The following PRKN variants were observed in gnomAD, a reference collection of about 807,000 sequenced individuals.
The protein encoded by PRKN is parkin RBR E3 ubiquitin protein ligase.
In PRKN, 56 loss-of-function variants were observed where a neutral mutation model predicts 59.5. The observed-to-expected ratio is 0.94, with a 90% CI of 0.76 to 1.18. PRKN has a LOEUF of 1.18. PRKN is among the 50% of genes most tolerant of loss of function. PRKN has a pLI of 0.00. For synonymous variants in PRKN, 250 were observed against 222.1 expected (o/e 1.13, Z -1.12); for missense variants, 657 against 596.4 (o/e 1.10, Z -1.06).
chr6:162,232,779 T>C (rs1028814523), intron 3 of PRKN, among the ~76,000 whole-genome samples: 5 of 152,176 alleles, frequency 3.3e-5, no homozygotes, highest in South Asian at 2.1e-4. Context: ...AGACCTCCTA[T>C]GCATTTATAT....
chr6:162,622,185 T>C (rs1179139683), intron 1 of PRKN, among the ~76,000 whole-genome samples: 2 of 152,224 alleles, frequency 1.3e-5, no homozygotes, highest in South Asian at 2.1e-4. Context: ...TTTGGTTTAA[T>C]ACATTTTTAC....
chr6:162,107,362 G>C (rs1780231473), intron 4 of PRKN, among the ~76,000 whole-genome samples: 1 of 152,184 alleles, frequency 6.6e-6, no homozygotes, highest in Non-Finnish European at 1.5e-5. Flanking sequence ...CTACTCAGGA[G>C]GCTGAGGCAG....
intron 2 of PRKN, among the ~76,000 whole-genome samples, chr6:162,345,137 T>C (rs753774909): frequency 2.0e-5 from 3 of 152,204 alleles, no homozygotes; most frequent in Non-Finnish European, 4.4e-5. Flanking sequence ...AGACCACGCC[T>C]GGAATAACTC....
At chr6:162,536,690 G>A (rs1468289270) in intron 1 of PRKN, among the ~76,000 whole-genome samples, 1 of 152,084 alleles carries the variant, frequency 6.6e-6, no homozygotes, top group African/African-American at 2.4e-5. Flanking sequence ...TCTGCTACCT[G>A]AGCAGAAAAG....
chr6:162,284,545 C>T (rs1781093747), intron 2 of PRKN, among the ~76,000 whole-genome samples: 1 of 152,168 alleles, frequency 6.6e-6, no homozygotes, highest in Non-Finnish European at 1.5e-5. Flanking sequence ...TTTCATCTCA[C>T]ATCTTGACCT....
At position 162,360,651 on chromosome 6, in the gene PRKN, T is replaced by A. The variant is rs957982008; in HGVS notation, c.171+82659A>T. Among the ~76,000 whole-genome samples the A allele has an allele frequency of 8.2e-4, 125 of 151,994 alleles. 1 individual carries two copies. Among genetic ancestry groups the A allele is most frequent in the African/African-American group, 2.9e-3 (121 of 41,468 alleles). On this transcript the variant is annotated intron_variant, in intron 2 of 11. Transcript: ENST00000366898. Reference sequence around the variant, plus strand: ...AACACAAAATCATGTAAACCAGAAATCTTTCACAGAGGTCAAGAAGTCAAA... The same window carrying A: ...AACACAAAATCATGTAAACCAGAAAACTTTCACAGAGGTCAAGAAGTCAAA...
chr6:162,589,497 A>G, intron 1 of PRKN, among the ~76,000 whole-genome samples: 1 of 152,174 alleles, frequency 6.6e-6, no homozygotes, highest in East Asian at 1.9e-4. Flanking sequence ...TGTACTCATA[A>G]GTACACTTTT....
At chr6:161,928,000 A>G (rs1779029567) in intron 6 of PRKN, among the ~76,000 whole-genome samples, 1 of 152,176 alleles carries the variant, frequency 6.6e-6, no homozygotes, top group Non-Finnish European at 1.5e-5. Flanking sequence ...TAGGAAATAC[A>G]CCTACTATGA....
chr6:161,588,063 T>C lies in PRKN; in HGVS notation c.872-18647A>G, dbSNP rs1327297180. ...ATAAGCATTAATAAGACCATGTCAATAGAGCGTTAATTATTAGGATTAAAA... is the reference window on the plus strand; with the variant it reads ...ATAAGCATTAATAAGACCATGTCAACAGAGCGTTAATTATTAGGATTAAAA... On this transcript the variant is annotated intron_variant, in intron 7 of 11. Transcript: ENST00000366898. This position sits in a 1 kb window ranked among gnomAD's most constrained non-coding sequence, Gnocchi z 5.0. Among the ~76,000 whole-genome samples the C allele has an allele frequency of 6.6e-6, 1 of 152,224 alleles. No individual in the cohort carries two copies. The highest frequency in any genetic ancestry group is 2.4e-5 in the African/African-American group (1 of 41,464).
chr6:162,449,364 T>G (rs749841444), intron 1 of PRKN, among the ~76,000 whole-genome samples: 1 of 152,150 alleles, frequency 6.6e-6, no homozygotes, highest in Non-Finnish European at 1.5e-5. Context: ...TAACCTAATC[T>G]CATCTACAGC....
intron 4 of PRKN, among the ~76,000 whole-genome samples, chr6:162,165,591 C>A (rs1413472419): frequency 6.7e-6 from 1 of 149,558 alleles, no homozygotes; most frequent in African/African-American, 2.5e-5. Flanking sequence ...GAATGGAATG[C>A]CAGTGCACAG....
In PRKN at chr6:161,575,870, A is replaced by G. The variant is rs934043649; in HGVS notation, c.872-6454T>C. On this transcript the variant is annotated intron_variant, in intron 7 of 11. Coordinates refer to ENST00000366898, the MANE Select transcript of PRKN (RefSeq NM_004562.3). This position sits in a 1 kb window ranked among gnomAD's most constrained non-coding sequence, Gnocchi z 4.6. The stretch of plus-strand genomic sequence containing the variant: ...CCCTAAGTACAACTTAGAAAAGGAA[A>G]CCGACTAACGACAAAATGGCATCAA... Among the ~76,000 whole-genome samples the G allele has an allele frequency of 3.3e-5, 5 of 152,220 alleles. No homozygotes were observed. Among genetic ancestry groups the G allele is most frequent in the African/African-American group, 1.2e-4 (5 of 41,458 alleles).
At chr6:162,218,677 G>C (rs1192976866) in intron 3 of PRKN, among the ~76,000 whole-genome samples, 2 of 152,118 alleles carry the variant, frequency 1.3e-5, no homozygotes, top group African/African-American at 4.8e-5. Context: ...CATTCCAGGA[G>C]TAGAAAGCAC....
intron 5 of PRKN, among the ~76,000 whole-genome samples, chr6:162,027,879 G>A (rs1783495205): frequency 6.6e-6 from 1 of 151,728 alleles, no homozygotes; most frequent in Admixed American, 6.6e-5. Flanking sequence ...AGGGAGGGAA[G>A]AAGGAAGGTG....
At chr6:161,722,823 T>A (rs1018539374) in intron 7 of PRKN, among the ~76,000 whole-genome samples, 1 of 152,252 alleles carries the variant, frequency 6.6e-6, no homozygotes, top group Non-Finnish European at 1.5e-5. Context: ...TCTTTAAAAA[T>A]TCTCTAAGAA....
chr6:162,257,051 G>A (rs182480540), intron 3 of PRKN, among the ~76,000 whole-genome samples: 80 of 152,294 alleles, frequency 5.3e-4, no homozygotes, highest in Non-Finnish European at 8.7e-4. Context: ...CAAGGTAGAC[G>A]GGGCCAGCCT....
At chr6:161,869,997 CAT>C (rs1794279044) in intron 6 of PRKN, among the ~76,000 whole-genome samples, 1 of 152,112 alleles carries the variant, frequency 6.6e-6, no homozygotes. Flanking sequence ...AAAAAACAAA[CAT>C]ATATTGAGCA....
intron 7 of PRKN, among the ~76,000 whole-genome samples, chr6:161,667,603 G>T (rs546422279): frequency 6.6e-6 from 1 of 152,156 alleles, no homozygotes; most frequent in Non-Finnish European, 1.5e-5. Flanking sequence ...TCAAGAGCTG[G>T]TTTTATCATT....
intron 2 of PRKN, among the ~76,000 whole-genome samples, chr6:162,412,000 T>A (rs975969738): frequency 1.3e-5 from 2 of 151,150 alleles, no homozygotes; most frequent in Non-Finnish European, 2.9e-5. Context: ...CCATAGTATT[T>A]CTTTGGTCAC....
Sources: allele counts gnomAD v4.1 joint callset (sites outside exome capture counted in the v4.1 genomes callset), GRCh38; gene constraint gnomAD v4.1.1; non-coding constraint Gnocchi (gnomAD v3.1); transcripts MANE v1.5; gene names NCBI Gene and HGNC (gene_info 2026-07-23, HGNC 2026-07-21).